Variants in UBE4B observed in about 807,000 individuals in gnomAD.
The protein encoded by UBE4B is ubiquitin conjugation factor E4 B.
Under a neutral mutation model 148.1 loss-of-function variants are expected in UBE4B, and 27 were observed. The ratio of observed to expected loss-of-function variants is 0.18; its 90% CI spans 0.13 to 0.25. The LOEUF is 0.25. Ranked by LOEUF, UBE4B falls within the 10% of genes least tolerant of loss-of-function variation. The pLI, the probability that UBE4B is intolerant of heterozygous loss-of-function variation, is 1.00. For synonymous variants in UBE4B, 596 were observed against 619.3 expected (o/e 0.96, Z 0.56); for missense variants, 1,170 against 1,662.4 (o/e 0.70, Z 5.15).
chr1:10,039,143 A>G (rs545307740), intron 1 of UBE4B, among the ~76,000 whole-genome samples: 1 of 152,250 alleles, frequency 6.6e-6, no homozygotes, highest in Admixed American at 6.5e-5. Context: ...GGAGATAGAT[A>G]GGAATCCAAC....
chr1:10,150,377 C>G (rs867127748), intron 20 of UBE4B, among the ~76,000 whole-genome samples: 15 of 151,926 alleles, frequency 9.9e-5, no homozygotes, highest in African/African-American at 3.4e-4. Flanking sequence ...CAAAAGACAC[C>G]TATTTGAAAA....
chr1:10,106,213 C>T lies in UBE4B; in HGVS notation c.826C>T (p.Pro276Ser), dbSNP rs200980839. The change falls in exon 7 of 28, where the codon CCG (proline) becomes TCG (serine). Residue 276 changes from proline to serine, a missense_variant. Around this residue, in one of 6 missense-constraint regions of UBE4B, gnomAD observed 214 missense variants for 209.1 expected, o/e 1.02. Coordinates refer to ENST00000343090, the MANE Select transcript of UBE4B (RefSeq NM_001105562.3). The surrounding 1 kb of genome is among the most constrained non-coding windows in gnomAD (Gnocchi z 4.2). Reference sequence around the variant, plus strand: ...CTAATTTAGCCTCTATGAAAGTAGTCCGGCTCCCACTCCCAGTTTCTGGAG... The same window carrying T: ...CTAATTTAGCCTCTATGAAAGTAGTTCGGCTCCCACTCCCAGTTTCTGGAG... The part of the protein sequence containing the change: ...SSLSSLYESS[P>S]APTPSFWSSV... 1.1e-4 allele frequency: 183 copies of T among 1,602,596 alleles called. 1 individual carries two copies. The East Asian group carries it at 3.8e-3, about 33-fold the overall frequency.
At position 10,072,061 on chromosome 1, in the gene UBE4B, G is replaced by A. The variant is rs1310653618; in HGVS notation, c.58G>A (p.Gly20Arg). 1 of 1,609,960 alleles carries A rather than the reference G, an allele frequency of 6.2e-7. No individual in the cohort carries two copies. Among genetic ancestry groups the A allele is most frequent in the Non-Finnish European group, 8.5e-7 (1 of 1,178,450 alleles). ...GAGGCGCCTTGCACGACTTGCTGGT[G>A]GACAGACCTCTCAGCCAACCACCCC... ...RRRRLARLAG[G>R]QTSQPTTPLT... The change falls in exon 2 of 28, where the codon GGA becomes AGA. Residue 20 changes from glycine to arginine, a missense_variant. Coordinates refer to ENST00000343090, the MANE Select transcript of UBE4B (RefSeq NM_001105562.3).
At chr1:10,137,045 G>A in intron 16 of UBE4B, 22 bp from the exon 17 acceptor site, 1 of 1,613,398 alleles carries the variant, frequency 6.2e-7, no homozygotes, top group Non-Finnish European at 8.5e-7. Context: ...TTTTATTTAG[G>A]GAATGATGTT....
chr1:10,114,103 T>A (rs1352169525), intron 7 of UBE4B, among the ~76,000 whole-genome samples: 2 of 151,686 alleles, frequency 1.3e-5, no homozygotes, highest in African/African-American at 2.4e-5. Context: ...AAGATGCGTT[T>A]CTTCCCAGAA....
At chr1:10,089,241 G>A (rs555560129) in intron 2 of UBE4B, among the ~76,000 whole-genome samples, 2 of 152,036 alleles carry the variant, frequency 1.3e-5, no homozygotes, top group South Asian at 4.1e-4. Flanking sequence ...TCTTGACCTC[G>A]TAATCTGCCC....
chr1:10,161,028 G>T lies in UBE4B; in HGVS notation c.3054-114G>T. Reference sequence around the variant, plus strand: ...GCCTGACTTGTGCCAGGGTAGCCAGGCTTTTAGGGTGAGATAGTTGCAGTC... The same window carrying T: ...GCCTGACTTGTGCCAGGGTAGCCAGTCTTTTAGGGTGAGATAGTTGCAGTC... On this transcript the variant is annotated intron_variant, in intron 22 of 27. Transcript: ENST00000343090. The surrounding 1 kb of genome is among the most constrained non-coding windows in gnomAD (Gnocchi z 4.1). The T allele has an allele frequency of 8.3e-7, 1 of 1,205,604 alleles. No individual in the cohort carries two copies. Among genetic ancestry groups the T allele is most frequent in the South Asian group, 1.4e-5 (1 of 69,040 alleles). The allele number at this position is 1,205,604 out of a possible 1,614,324, so 74.7% of individuals were successfully genotyped here. A position where few individuals can be genotyped will look rare whatever the true frequency, so the allele number is the denominator to read the frequency against.
At position 10,113,082 on chromosome 1, in the gene UBE4B, T is replaced by A. The variant is rs79271891; in HGVS notation, c.1197-4377T>A. 4.6e-3 allele frequency among the ~76,000 whole-genome samples: 706 copies of A among 152,300 alleles called. 3 individuals carry two copies. The highest frequency in any genetic ancestry group is 0.01 in the Middle Eastern group (3 of 294). On this transcript the variant is annotated intron_variant, in intron 7 of 27. Transcript: ENST00000343090. The stretch of plus-strand genomic sequence containing the variant: ...GAAAAGAGGTTTAATTGGCTCATGG[T>A]ACCTCAGGCTGTTCAAGAAGCATGA...
intron 1 of UBE4B, chr1:10,059,212 C>T (rs1644237515): frequency 6.6e-6 from 1 of 150,470 alleles, no homozygotes; most frequent in Non-Finnish European, 1.5e-5. Context: ...CCCTGGGGGA[C>T]AGAGCGAGAC....
chr1:10,107,138 T>A, intron 7 of UBE4B: 11 of 1,244,326 alleles, frequency 8.8e-6, no homozygotes, highest in Non-Finnish European at 1.2e-5. Flanking sequence ...ATGGTTTATT[T>A]AAAAGGACAG....
chr1:10,081,012 AAAT>A (rs1365321337), intron 2 of UBE4B, among the ~76,000 whole-genome samples: 1 of 152,208 alleles, frequency 6.6e-6, no homozygotes, highest in Non-Finnish European at 1.5e-5. Flanking sequence ...TGACTGTCAT[AAAT>A]AATAACGTTT....
intron 7 of UBE4B, among the ~76,000 whole-genome samples, chr1:10,110,526 A>T (rs1026728562): frequency 1.3e-5 from 2 of 152,172 alleles, no homozygotes; most frequent in Admixed American, 1.3e-4. Flanking sequence ...AAAAATCAAT[A>T]AATCAATAAA....
chr1:10,110,796 T>C (rs1645204761), intron 7 of UBE4B, among the ~76,000 whole-genome samples: 1 of 152,090 alleles, frequency 6.6e-6, no homozygotes, highest in African/African-American at 2.4e-5. Flanking sequence ...CTGTTTTTGC[T>C]GATTGTCACT....
At chr1:10,100,376 G>A (rs538615321) in intron 3 of UBE4B, among the ~76,000 whole-genome samples, 25 of 152,228 alleles carry the variant, frequency 1.6e-4, no homozygotes, top group Admixed American at 4.6e-4. Flanking sequence ...GGATACAGTG[G>A]TTATTCACAG....
chr1:10,179,686 C>T (rs931032624), intron 27 of UBE4B, 124 bp downstream of exon 27: 1 of 1,485,898 alleles, frequency 6.7e-7, no homozygotes, highest in Non-Finnish European at 9.1e-7. Context: ...TACTTTATGA[C>T]ACTCTGTAGC....
intron 15 of UBE4B, among the ~76,000 whole-genome samples, chr1:10,134,503 A>G (rs1645645762): frequency 6.6e-6 from 1 of 151,816 alleles, no homozygotes. Context: ...CAAGAGTGGA[A>G]CTCCATCTCA....
chr1:10,114,843 G>A (rs1384789238), intron 7 of UBE4B, among the ~76,000 whole-genome samples: 1 of 152,048 alleles, frequency 6.6e-6, no homozygotes, highest in Non-Finnish European at 1.5e-5. Flanking sequence ...CAACCTGGAT[G>A]ACAGAGCGAG....
chr1:10,162,823 G>A lies in UBE4B; in HGVS notation c.3198+1537G>A, dbSNP rs369587261. Among the ~76,000 whole-genome samples the A allele has an allele frequency of 5.9e-5, 9 of 151,822 alleles. No individual in the cohort carries two copies. In the East Asian group the frequency reaches 1.2e-3, roughly 20 times the overall value. On this transcript the variant is annotated intron_variant, in intron 23 of 27. Coordinates refer to ENST00000343090, the MANE Select transcript of UBE4B (RefSeq NM_001105562.3). ...GTAGTCCCCAGTGTCTGTTATTCCC[G>A]TCTCCGTCCATGTGTACCAATGTTT...
intron 10 of UBE4B, among the ~76,000 whole-genome samples, chr1:10,123,973 C>T (rs911156547): frequency 6.6e-6 from 1 of 151,698 alleles, no homozygotes; most frequent in African/African-American, 2.4e-5. Flanking sequence ...CGGGGTTTCA[C>T]CATGTTGGCC....
Sources: allele counts gnomAD v4.1 joint callset (sites outside exome capture counted in the v4.1 genomes callset), GRCh38; gene constraint gnomAD v4.1.1; regional missense constraint gnomAD v4.1.1; non-coding constraint Gnocchi (gnomAD v3.1); transcripts MANE v1.5; gene names NCBI Gene and HGNC (gene_info 2026-07-23, HGNC 2026-07-21).